Variants in CCDC170 observed in about 807,000 individuals in gnomAD.
CCDC170 encodes coiled-coil domain containing 170.
In CCDC170, 69 loss-of-function variants were observed where a neutral mutation model predicts 72.6. The observed-to-expected ratio is 0.95, with a 90% confidence interval of 0.78 to 1.16. The LOEUF is 1.16. CCDC170 is among the 50% of genes most tolerant of loss of function. The probability of loss-of-function intolerance (pLI) is 0.00; values close to 1 mark genes in which losing one functional copy is unlikely to be tolerated. For missense variants in CCDC170, 852 were observed against 832.5 expected, an observed-to-expected ratio of 1.02 and a Z score of -0.29; for synonymous variants, 300 against 303.9, an observed-to-expected ratio of 0.99 and a Z score of 0.13.
At chr6:151,502,376 T>A (rs1167682112) in intron 1 of CCDC170, among the ~76,000 whole-genome samples, 2 of 152,234 alleles carry the variant, frequency 1.3e-5, no homozygotes, top group Non-Finnish European at 2.9e-5. Context: ...AAAATAAATA[T>A]CTGAATTATA....
chr6:151,616,941 G>T (rs889593006), intron 10 of CCDC170, among the ~76,000 whole-genome samples: 1 of 152,118 alleles, frequency 6.6e-6, no homozygotes, highest in African/African-American at 2.4e-5. Context: ...CTTCACATTG[G>T]TCATTAGATT....
chr6:151,560,573 C>T (rs1296204741), intron 5 of CCDC170, among the ~76,000 whole-genome samples: 3 of 152,062 alleles, frequency 2.0e-5, no homozygotes, highest in African/African-American at 4.8e-5. Context: ...CAAAGTTTCC[C>T]ATGATTATTG....
chr6:151,613,298 G>A (rs924676011), intron 9 of CCDC170, among the ~76,000 whole-genome samples: 4 of 152,142 alleles, frequency 2.6e-5, no homozygotes, highest in Admixed American at 2.6e-4. Flanking sequence ...AGCTACTGGG[G>A]AAGCTGAGGC....
chr6:151,538,292 A>G lies in CCDC170; in HGVS notation c.434A>G (p.Glu145Gly). Residue 145 changes from glutamate (E) to glycine (G), a missense_variant, in exon 3 of 11, where the codon GAA becomes GGA. Physicochemically the swap from Glu to Gly is moderately conservative, Grantham distance 98 (BLOSUM62 -2). Transcript: ENST00000239374. ...AAGAAGAAAGTTGTAGAGTTAAATGAAAAATTACAGTAAGGATACTGCAAT... is the reference window on the plus strand; with the variant it reads ...AAGAAGAAAGTTGTAGAGTTAAATGGAAAATTACAGTAAGGATACTGCAAT... The part of the protein sequence containing the change: ...ELKKKVVELN[E>G]KLQKCSKENE... 1 of 1,613,016 alleles carries G rather than the reference A, an allele frequency of 6.2e-7. No homozygotes were observed. Among genetic ancestry groups the G allele is most frequent in the Non-Finnish European group, 8.5e-7 (1 of 1,179,644 alleles).
At chr6:151,545,108 C>T (rs1286779369) in intron 4 of CCDC170, among the ~76,000 whole-genome samples, 1 of 152,076 alleles carries the variant, frequency 6.6e-6, no homozygotes, top group African/African-American at 2.4e-5. Flanking sequence ...ATCTAAAGTA[C>T]TTTAAAAATT....
intron 1 of CCDC170, among the ~76,000 whole-genome samples, chr6:151,527,429 A>T (rs1171002925): frequency 6.6e-6 from 1 of 152,192 alleles, no homozygotes; most frequent in East Asian, 1.9e-4. Flanking sequence ...AACCACGAGC[A>T]GATAGAAGAA....
intron 7 of CCDC170, among the ~76,000 whole-genome samples, chr6:151,590,420 TCA>T (rs1404966358): frequency 6.6e-6 from 1 of 152,210 alleles, no homozygotes; most frequent in Non-Finnish European, 1.5e-5. Context: ...CAAATAACTC[TCA>T]GTTATGAAAG....
chr6:151,581,022 T>C (rs949097647), intron 6 of CCDC170, among the ~76,000 whole-genome samples: 4 of 152,216 alleles, frequency 2.6e-5, no homozygotes, highest in African/African-American at 9.6e-5. Context: ...AACAATCATC[T>C]TAGCCTTCAG....
At chr6:151,557,448 C>A (rs976763824) in intron 5 of CCDC170, among the ~76,000 whole-genome samples, 4 of 151,826 alleles carry the variant, frequency 2.6e-5, no homozygotes, top group Admixed American at 2.6e-4. Flanking sequence ...TTGGTGGACA[C>A]TTCGGTTGAT....
intron 2 of CCDC170, among the ~76,000 whole-genome samples, chr6:151,536,766 T>C (rs1235149165): frequency 1.2e-5 from 1 of 84,836 alleles, no homozygotes; most frequent in Non-Finnish European, 2.0e-5. Context: ...AGAGTGAGAC[T>C]CCATCTCAAA....
chr6:151,572,639 C>T (rs1197530778), intron 5 of CCDC170, among the ~76,000 whole-genome samples: 5 of 87,862 alleles, frequency 5.7e-5, no homozygotes, highest in African/African-American at 1.1e-4. Context: ...ATTTTATATC[C>T]CTTCTCTGTG....
At chr6:151,511,889 C>G (rs1043072285) in intron 1 of CCDC170, among the ~76,000 whole-genome samples, 1 of 152,052 alleles carries the variant, frequency 6.6e-6, no homozygotes, top group Admixed American at 6.6e-5. Context: ...TCTCTGCCAC[C>G]CAGACTGGAC....
chr6:151,502,519 A>G (rs1179531373), intron 1 of CCDC170, among the ~76,000 whole-genome samples: 1 of 152,242 alleles, frequency 6.6e-6, no homozygotes, highest in Non-Finnish European at 1.5e-5. Flanking sequence ...TCTAACCTCA[A>G]TATCTGTGCA....
At chr6:151,495,769 T>C (rs1179268231) in intron 1 of CCDC170, among the ~76,000 whole-genome samples, 2 of 152,174 alleles carry the variant, frequency 1.3e-5, no homozygotes, top group African/African-American at 2.4e-5. Context: ...GTGCTGGGAT[T>C]ACAGAGATGC....
At chr6:151,541,582 G>A (rs1056770108) in intron 3 of CCDC170, among the ~76,000 whole-genome samples, 1 of 151,218 alleles carries the variant, frequency 6.6e-6, no homozygotes, top group African/African-American at 2.4e-5. Context: ...GTGTATGATG[G>A]GTACTCAATA....
intron 3 of CCDC170, among the ~76,000 whole-genome samples, chr6:151,539,512 A>G (rs920835453): frequency 6.0e-4 from 91 of 152,238 alleles, no homozygotes; most frequent in African/African-American, 2.1e-3. Flanking sequence ...TTACCTTGCT[A>G]GCTAGTGTCT....
intron 6 of CCDC170, among the ~76,000 whole-genome samples, chr6:151,584,427 T>C (rs547102552): frequency 1.3e-5 from 2 of 152,318 alleles, no homozygotes; most frequent in South Asian, 2.1e-4. Flanking sequence ...GAATTCTTAA[T>C]GCAGCCATTA....
intron 6 of CCDC170, among the ~76,000 whole-genome samples, chr6:151,573,772 C>T (rs1342020414): frequency 1.3e-5 from 2 of 152,160 alleles, no homozygotes; most frequent in Non-Finnish European, 2.9e-5. Flanking sequence ...ACCATCAGAT[C>T]TCCTGAGAGT....
At chr6:151,494,726 C>T (rs1042511270) in intron 1 of CCDC170, among the ~76,000 whole-genome samples, 1 of 152,110 alleles carries the variant, frequency 6.6e-6, no homozygotes, top group Non-Finnish European at 1.5e-5. Flanking sequence ...TGTACCAATG[C>T]GCGCGCGCAC....
Sources: gnomAD v4.1 joint callset for allele counts (sites outside exome capture counted in the v4.1 genomes callset) on GRCh38, gnomAD v4.1.1 for gene constraint, MANE v1.5 for transcripts, NCBI Gene and HGNC (gene_info 2026-07-23, HGNC 2026-07-21) for gene names.